The following COL25A1 variants were observed in gnomAD, a reference collection of about 807,000 sequenced individuals.
COL25A1 encodes the protein collagen type XXV alpha 1 chain.
COL25A1 carries 103 observed loss-of-function variants against 128.4 expected under a neutral mutation model. That is an observed-to-expected ratio of 0.80 (90% confidence interval 0.68 to 0.94). The LOEUF is 0.94. COL25A1 is among the 40% of genes least tolerant of loss of function. COL25A1 has a pLI of 0.00. For synonymous variants in COL25A1, 279 were observed against 277.2 expected (o/e 1.01, Z -0.06); for missense variants, 745 against 840.0 (o/e 0.89, Z 1.40).
chr4:108,916,210 T>G (rs1045626610), intron 13 of COL25A1, among the ~76,000 whole-genome samples: 7 of 152,194 alleles, frequency 4.6e-5, no homozygotes, highest in African/African-American at 1.7e-4. Context: ...TAAATTACAT[T>G]TTGCTGATAC....
intron 3 of COL25A1, among the ~76,000 whole-genome samples, chr4:109,177,074 C>T (rs115817056): frequency 0.023 from 3,489 of 152,224 alleles, 119 homozygotes; most frequent in African/African-American, 0.072. Flanking sequence ...GAGGGATTTC[C>T]TAGTCTAGGA....
chr4:109,030,563 GTAGTGAAT>G (rs1758746394), intron 5 of COL25A1, among the ~76,000 whole-genome samples: 1 of 152,202 alleles, frequency 6.6e-6, no homozygotes, highest in Non-Finnish European at 1.5e-5. Flanking sequence ...AGTGACTAAT[GTAGTGAAT>G]TACTGATGTT....
At chr4:109,203,593 G>T (rs1776744688) in intron 3 of COL25A1, among the ~76,000 whole-genome samples, 1 of 152,014 alleles carries the variant, frequency 6.6e-6, no homozygotes, top group African/African-American at 2.4e-5. Flanking sequence ...ACTCCCGCAG[G>T]ATGCCACCAA....
Position 109,128,657 on chromosome 4 carries a change from G to A in COL25A1, c.368-78478C>T, listed in dbSNP as rs115282054. ...GCAAATAAACACCTTCCTTTTCTGT[G>A]TATCCCAGAGTAGGACAGTCACTTG... On this transcript the variant is annotated intron_variant, in intron 3 of 37. Coordinates refer to ENST00000399132, the MANE Select transcript of COL25A1 (RefSeq NM_198721.4). 3.7e-3 allele frequency among the ~76,000 whole-genome samples: 569 copies of A among 152,266 alleles called. 8 individuals are homozygous for A. The highest frequency in any genetic ancestry group is 0.013 in the African/African-American group (530 of 41,534).
At chr4:109,075,377 T>C (rs1763290666) in intron 3 of COL25A1, among the ~76,000 whole-genome samples, 1 of 152,164 alleles carries the variant, frequency 6.6e-6, no homozygotes, top group African/African-American at 2.4e-5. Context: ...TAGATGTATA[T>C]ACAAACAGAG....
chr4:108,835,985 C>T (rs1360449471), intron 31 of COL25A1, among the ~76,000 whole-genome samples: 1 of 149,678 alleles, frequency 6.7e-6, no homozygotes, highest in African/African-American at 2.5e-5. Flanking sequence ...CATTCTCCTG[C>T]CTCAGCCTCC....
intron 5 of COL25A1, among the ~76,000 whole-genome samples, chr4:109,035,858 C>T (rs930207189): frequency 6.6e-6 from 1 of 152,050 alleles, no homozygotes; most frequent in Non-Finnish European, 1.5e-5. Flanking sequence ...GCTCTTCAAA[C>T]TCTCTTCTCC....
chr4:109,103,923 A>C (rs1766150695), intron 3 of COL25A1, among the ~76,000 whole-genome samples: 1 of 152,240 alleles, frequency 6.6e-6, no homozygotes, highest in Non-Finnish European at 1.5e-5. Context: ...TATTTTGAAT[A>C]CTGATAAAGA....
At chr4:109,017,037 G>A (rs552152322) in intron 5 of COL25A1, among the ~76,000 whole-genome samples, 87 of 152,360 alleles carry the variant, frequency 5.7e-4, no homozygotes, top group African/African-American at 2.0e-3. Flanking sequence ...GACTCCCTGA[G>A]CCAGGGCTGT....
At chr4:109,082,127 T>C (rs942568378) in intron 3 of COL25A1, among the ~76,000 whole-genome samples, 1 of 152,256 alleles carries the variant, frequency 6.6e-6, no homozygotes, top group African/African-American at 2.4e-5. Context: ...TGTTGTAGCC[T>C]GTATCAGTAC....
rs1206802451 is a variant in COL25A1, at chr4:109,171,422, G to A, written c.368-121243C>T. ...TCATGAGGGTGGAATTCACATGAAT[G>A]GGAATAGCACCCTTATAAGAAGAGG... On this transcript the variant is annotated intron_variant, in intron 3 of 37. Coordinates refer to ENST00000399132, the MANE Select transcript of COL25A1 (RefSeq NM_198721.4). 2.0e-5 allele frequency among the ~76,000 whole-genome samples: 3 copies of A among 152,162 alleles called. No individual in the cohort carries two copies. In the East Asian group the frequency reaches 5.8e-4, roughly 29 times the overall value.
intron 3 of COL25A1, among the ~76,000 whole-genome samples, chr4:109,091,429 AC>A (rs1764896017): frequency 6.6e-6 from 1 of 152,200 alleles, no homozygotes; most frequent in Non-Finnish European, 1.5e-5. Flanking sequence ...AATTGTCTAT[AC>A]AATTTAATTC....
At chr4:109,025,607 C>T (rs988061434) in intron 5 of COL25A1, among the ~76,000 whole-genome samples, 4 of 152,140 alleles carry the variant, frequency 2.6e-5, no homozygotes, top group Admixed American at 6.5e-5. Context: ...ATGCATGAGT[C>T]ACATCATGCT....
At chr4:108,996,188 G>A (rs1004922794) in intron 6 of COL25A1, among the ~76,000 whole-genome samples, 14 of 150,758 alleles carry the variant, frequency 9.3e-5, no homozygotes, top group Non-Finnish European at 1.0e-4. Context: ...TGGATAAAGA[G>A]TCAGGACCCA....
chr4:108,933,328 G>C (rs987348848), intron 11 of COL25A1, among the ~76,000 whole-genome samples: 1 of 152,148 alleles, frequency 6.6e-6, no homozygotes, highest in Non-Finnish European at 1.5e-5. Flanking sequence ...AACAAATGTA[G>C]TGGGGTTTAC....
At chr4:108,907,845 T>A (rs1203234851) in intron 13 of COL25A1, among the ~76,000 whole-genome samples, 1 of 152,226 alleles carries the variant, frequency 6.6e-6, no homozygotes, top group Non-Finnish European at 1.5e-5. Flanking sequence ...ATACCAGCTG[T>A]TCCACATAAT....
intron 3 of COL25A1, among the ~76,000 whole-genome samples, chr4:109,127,178 A>G (rs1175607404): frequency 2.0e-5 from 3 of 152,228 alleles, no homozygotes; most frequent in African/African-American, 7.2e-5. Flanking sequence ...GCAATAAAAT[A>G]TTCCAAAGTG....
At chr4:109,186,465 TTG>T (rs1462029017) in intron 3 of COL25A1, among the ~76,000 whole-genome samples, 1 of 152,240 alleles carries the variant, frequency 6.6e-6, no homozygotes, top group Non-Finnish European at 1.5e-5. Flanking sequence ...TTAATTTTGC[TTG>T]TGATCTCATC....
At position 108,852,253 on chromosome 4, in the gene COL25A1, C is replaced by G. The variant is rs747447142; in HGVS notation, c.1372G>C (p.Gly458Arg). Residue 458 changes from glycine (G) to arginine (R), a missense_variant, in exon 26 of 38, where the codon GGA (glycine) becomes CGA (arginine). Transcript: ENST00000399132. ...TGPPGPPGPQ[G>R]LQGPKGEQGS... ...AGAATAACCTTTGGCCCTTGTAGTC[C>G]TTGAGGTCCAGGAGGTCCAGGGGGA... 1 of 1,604,360 alleles carries G rather than the reference C, an allele frequency of 6.2e-7. No individual in the cohort carries two copies.
Sources: gnomAD v4.1 joint callset for allele counts (sites outside exome capture counted in the v4.1 genomes callset) on GRCh38, gnomAD v4.1.1 for gene constraint, MANE v1.5 for transcripts, NCBI Gene and HGNC (gene_info 2026-07-23, HGNC 2026-07-21) for gene names.